The following SPO11 variants were observed in gnomAD, a reference collection of about 807,000 sequenced individuals.
SPO11 encodes SPO11 initiator of meiotic double strand breaks.
Under a neutral mutation model 51.6 loss-of-function variants are expected in SPO11, and 49 were observed. That is an observed-to-expected ratio of 0.95 (90% CI 0.75 to 1.20). SPO11 has a LOEUF of 1.20. Among genes scored for constraint, SPO11 ranks in the 50% most tolerant of loss-of-function variants. The pLI, the probability that SPO11 is intolerant of heterozygous loss-of-function variation, is 0.00. For synonymous variants in SPO11, 176 were observed against 158.2 expected (o/e 1.11, Z -0.84); for missense variants, 431 against 473.4 (o/e 0.91, Z 0.83).
intron 8 of SPO11, among the ~76,000 whole-genome samples, chr20:57,336,301 G>A (rs1178219784): frequency 1.3e-5 from 2 of 152,168 alleles, no homozygotes; most frequent in African/African-American, 4.8e-5. Flanking sequence ...GAGTCAGTTT[G>A]ACTTACTCCT....
At chr20:57,342,157 G>A (rs2066590062) in intron 11 of SPO11, among the ~76,000 whole-genome samples, 1 of 151,946 alleles carries the variant, frequency 6.6e-6, no homozygotes, top group South Asian at 2.1e-4. Context: ...AACTAGATAG[G>A]TAAGAATGTG....
chr20:57,332,909 T>C (rs977093399), intron 2 of SPO11, among the ~76,000 whole-genome samples: 1 of 152,182 alleles, frequency 6.6e-6, no homozygotes, highest in African/African-American at 2.4e-5. Flanking sequence ...TAAAAAAGTA[T>C]GCACACACAC....
Position 57,338,392 on chromosome 20 carries a change from C to T in SPO11, c.844+17C>T. 6.8e-7 allele frequency: 1 copy of T among 1,460,672 alleles called. No homozygotes were observed. The highest frequency in any genetic ancestry group is 9.6e-7 in the Non-Finnish European group (1 of 1,045,252). The allele number at this position is 1,460,672 out of a possible 1,614,324, so 90.5% of individuals were successfully genotyped here. A position where few individuals can be genotyped will look rare whatever the true frequency, so the allele number is the denominator to read the frequency against. On this transcript the variant is annotated intron_variant, in intron 9 of 12. Transcript: ENST00000371263. ...ATCCACATGGTAATTTATCACTGGA[C>T]TATTTACAACAATAGTCATAACTAA...
At chr20:57,334,458 C>G (rs1888678684) in intron 5 of SPO11, among the ~76,000 whole-genome samples, 1 of 152,168 alleles carries the variant, frequency 6.6e-6, no homozygotes, top group African/African-American at 2.4e-5. Context: ...CCAGACAAAA[C>G]ATAATTTTAA....
intron 2 of SPO11, among the ~76,000 whole-genome samples, chr20:57,332,513 C>T (rs562304419): frequency 6.6e-6 from 1 of 152,272 alleles, no homozygotes; most frequent in Admixed American, 6.5e-5. Context: ...TCCAGCCTCT[C>T]ATATTTTTTA....
intron 8 of SPO11, among the ~76,000 whole-genome samples, chr20:57,336,756 G>A (rs982824865): frequency 6.6e-6 from 1 of 152,122 alleles, no homozygotes; most frequent in African/African-American, 2.4e-5. Context: ...TTTTCCCAAA[G>A]AACATTATGA....
At position 57,343,877 on chromosome 20, in the gene SPO11, G is replaced by A. The variant is rs2066613257; in HGVS notation, c.*417G>A. 6.5e-6 allele frequency: 1 copy of A among 153,068 alleles called. No homozygotes were observed. The highest frequency in any genetic ancestry group is 2.4e-5 in the African/African-American group (1 of 41,426). The allele number at this position is 153,068 out of a possible 1,614,324, so 9.5% of individuals were successfully genotyped here. A position where few individuals can be genotyped will look rare whatever the true frequency, so the allele number is the denominator to read the frequency against. Reference sequence around the variant, plus strand: ...TTTGAGATGTTGCAAATGAATTGTGGTGTCCGGTAGTTTCTTCTTACATTT... The same window carrying A: ...TTTGAGATGTTGCAAATGAATTGTGATGTCCGGTAGTTTCTTCTTACATTT... On this transcript the variant is annotated 3_prime_UTR_variant, in exon 13 of 13. Coordinates refer to ENST00000371263, the MANE Select transcript of SPO11 (RefSeq NM_012444.3).
chr20:57,337,077 G>A (rs1276801742), intron 8 of SPO11, among the ~76,000 whole-genome samples: 2 of 152,126 alleles, frequency 1.3e-5, no homozygotes, highest in East Asian at 3.9e-4. Context: ...GGCCTAAAGA[G>A]ACTAAGAAAC....
chr20:57,337,729 T>C (rs1477080959), intron 8 of SPO11: 7 of 1,304,100 alleles, frequency 5.4e-6, no homozygotes, highest in Non-Finnish European at 7.0e-6. Context: ...TGTACATTTT[T>C]TTTTCACAGT....
intron 11 of SPO11, among the ~76,000 whole-genome samples, chr20:57,340,489 C>T (rs1403865382): frequency 6.6e-6 from 1 of 152,192 alleles, no homozygotes; most frequent in Non-Finnish European, 1.5e-5. Context: ...AGGCCGGGCA[C>T]ATGGTGGCTG....
intron 9 of SPO11, 71 bp downstream of exon 9, chr20:57,338,446 CTTTTT>C: frequency 3.3e-6 from 3 of 914,844 alleles, no homozygotes; most frequent in Non-Finnish European, 4.8e-6. Context: ...TTTTCTTCCT[CTTTTT>C]TTTTTTTTCT....
intron 11 of SPO11, among the ~76,000 whole-genome samples, chr20:57,341,979 G>A (rs953931873): frequency 2.0e-5 from 3 of 152,136 alleles, no homozygotes; most frequent in African/African-American, 7.2e-5. Flanking sequence ...TCCAAGAACT[G>A]CCCCTGGCAA....
At position 57,333,771 on chromosome 20, in the gene SPO11, G is replaced by A; in HGVS notation, c.401+18G>A. ...ACCAAAAGGTAAATATATTGTTCTAGTAAATTACTCTTCAAAATGTAATGT... is the reference window on the plus strand; with the variant it reads ...ACCAAAAGGTAAATATATTGTTCTAATAAATTACTCTTCAAAATGTAATGT... On this transcript the variant is annotated intron_variant, in intron 4 of 12. Coordinates refer to ENST00000371263, the MANE Select transcript of SPO11 (RefSeq NM_012444.3). 7.6e-7 allele frequency: 1 copy of A among 1,319,286 alleles called. No homozygotes were observed. The highest frequency in any genetic ancestry group is 1.1e-6 in the Non-Finnish European group (1 of 926,878). 81.7% of individuals were successfully genotyped at this position (1,319,286 alleles called of 1,614,324 possible). A position where few individuals can be genotyped will look rare whatever the true frequency, so the allele number is the denominator to read the frequency against.
intron 9 of SPO11, 147 bp from the exon 10 acceptor site, chr20:57,338,842 G>A (rs529788775): frequency 2.5e-5 from 13 of 525,920 alleles, no homozygotes; most frequent in Admixed American, 7.7e-5. Flanking sequence ...ACAATTTATC[G>A]TTACTTTGTC....
At chr20:57,330,255 T>G (rs2066430119) in intron 1 of SPO11, among the ~76,000 whole-genome samples, 1 of 152,194 alleles carries the variant, frequency 6.6e-6, no homozygotes, top group South Asian at 2.1e-4. Flanking sequence ...TTCCAGAGGC[T>G]CCCTGCAGCT....
chr20:57,330,128 A>G (rs563620626), intron 1 of SPO11, 130 bp downstream of exon 1: 2 of 1,309,710 alleles, frequency 1.5e-6, no homozygotes, highest in East Asian at 2.6e-5. Context: ...AGGAACCCCC[A>G]AAAAGATCCT....
At chr20:57,338,166 C>T in intron 8 of SPO11, 110 bp from the exon 9 acceptor site, 1 of 814,362 alleles carries the variant, frequency 1.2e-6, no homozygotes, top group Non-Finnish European at 1.9e-6. Flanking sequence ...GCTGGGATTA[C>T]AGGCGTGAAC....
Position 57,334,811 on chromosome 20 carries a change from A to G in SPO11, c.572A>G (p.Lys191Arg). 6.2e-7 allele frequency: 1 copy of G among 1,613,916 alleles called. No individual in the cohort carries two copies. ...NLRYIEEDGTKVNCTCGATAV... is the reference protein window; with the variant it reads ...NLRYIEEDGTRVNCTCGATAV... Reference sequence around the variant, plus strand: ...AGATACATCGAGGAAGATGGCACCAAAGTGAATTGTACCTGTGGTGCAACG... The same window carrying G: ...AGATACATCGAGGAAGATGGCACCAGAGTGAATTGTACCTGTGGTGCAACG... The change falls in exon 6 of 13, where the codon AAA becomes AGA. Residue 191 changes from lysine to arginine, a missense_variant. By Grantham distance (26) the Lys-to-Arg change is conservative. Around this residue, in one of 3 missense-constraint regions of SPO11, gnomAD observed 405 missense variants for 425.9 expected, o/e 0.95. Coordinates refer to ENST00000371263, the MANE Select transcript of SPO11 (RefSeq NM_012444.3).
In SPO11 at chr20:57,335,786, T is replaced by G. The variant is rs764604119; in HGVS notation, c.635-12T>G. Reference sequence around the variant, plus strand: ...TACTCTTGCTTTCAATTTATCAGCCTTAACTTCACAGATTTAGTTACAGAT... The same window carrying G: ...TACTCTTGCTTTCAATTTATCAGCCGTAACTTCACAGATTTAGTTACAGAT... On this transcript the variant is annotated splice_polypyrimidine_tract_variant and intron_variant, in intron 7 of 12. Transcript: ENST00000371263. 6.6e-7 allele frequency: 1 copy of G among 1,505,174 alleles called. No individual in the cohort carries two copies. The highest frequency in any genetic ancestry group is 1.1e-5 in the South Asian group (1 of 87,856). 93.2% of individuals were successfully genotyped at this position (1,505,174 alleles called of 1,614,324 possible).
Sources: gnomAD v4.1 joint callset for allele counts (sites outside exome capture counted in the v4.1 genomes callset) on GRCh38, gnomAD v4.1.1 for gene constraint, gnomAD v4.1.1 regional missense constraint, MANE v1.5 for transcripts, NCBI Gene and HGNC (gene_info 2026-07-23, HGNC 2026-07-21) for gene names.